The following PLAC8 variants were observed in gnomAD, a reference collection of about 807,000 sequenced individuals.
PLAC8 encodes placenta associated 8, also known as placenta-specific gene 8 protein.
In PLAC8, 6 loss-of-function variants were observed where a neutral mutation model predicts 12.6. The observed-to-expected ratio is 0.48, with a 90% CI of 0.26 to 0.94. The LOEUF is 0.94. Among genes scored for constraint, PLAC8 ranks in the 40% least tolerant of loss-of-function variants. PLAC8 has a pLI of 0.14. For missense variants in PLAC8, 122 were observed against 152.7 expected (o/e 0.80, Z 1.06); for synonymous variants, 54 against 52.6 (o/e 1.03, Z -0.11).
rs1023038175 is a variant in PLAC8, at chr4:83,090,593, G to C, written c.*388C>G. ...TATTAAAAAAAAAAAAAAAGAAAAA[G>C]GAAATCAAAGTATAAGAACAAAATT... is the stretch of plus-strand genomic sequence containing the variant. On this transcript the variant is annotated 3_prime_UTR_variant, in exon 5 of 5. Coordinates refer to ENST00000311507, the MANE Select transcript of PLAC8 (RefSeq NM_016619.3). 1 of 135,848 alleles carries C rather than the reference G, an allele frequency of 7.4e-6. No homozygotes were observed. Among genetic ancestry groups the C allele is most frequent in the Admixed American group, 7.3e-5 (1 of 13,730 alleles). 8.4% of individuals were successfully genotyped at this position (135,848 alleles called of 1,614,324 possible). A position where few individuals can be genotyped will look rare whatever the true frequency, so the allele number is the denominator to read the frequency against.
At position 83,107,820 on chromosome 4, in the gene PLAC8, G is replaced by C. The variant is rs1445935200; in HGVS notation, c.102C>G (p.Phe34Leu). Residue 34 changes from phenylalanine to leucine, a missense_variant, in exon 2 of 5, where the codon TTC becomes TTG. Transcript: ENST00000311507. ...CACACTTACAGACTCCGCAGTCGCT[G>C]AAACAGTCACACATGCCTGTCTGCC... The part of the protein sequence containing the change: ...SNWQTGMCDC[F>L]SDCGVCLCGT... 1 of 1,606,392 alleles carries C rather than the reference G, an allele frequency of 6.2e-7. No homozygotes were observed. Among genetic ancestry groups the C allele is most frequent in the African/African-American group, 1.3e-5 (1 of 74,484 alleles).
intron 4 of PLAC8, 116 bp from the exon 5 acceptor site, chr4:83,091,087 G>A (rs974882752): frequency 2.0e-5 from 3 of 152,044 alleles, no homozygotes; most frequent in African/African-American, 4.8e-5. Flanking sequence ...ATAGTACAGC[G>A]AGCTCTCATG....
Position 83,094,909 on chromosome 4 carries a change from T to C in PLAC8, c.244-118A>G, listed in dbSNP as rs148457846. ...CTTTCAGATTCAGAGTTTGGATGGA[T>C]ACATTTAGGAAAATATTACCTCACT... On this transcript the variant is annotated intron_variant, in intron 3 of 4. Coordinates refer to ENST00000311507, the MANE Select transcript of PLAC8 (RefSeq NM_016619.3). The C allele has an allele frequency of 1.0e-3, 544 of 522,016 alleles. 3 individuals are homozygous for C. The highest frequency in any genetic ancestry group is 9.5e-3 in the African/African-American group (472 of 49,882). 32.3% of individuals were successfully genotyped at this position (522,016 alleles called of 1,614,324 possible). A position where few individuals can be genotyped will look rare whatever the true frequency, so the allele number is the denominator to read the frequency against.
rs1702814100 is a variant in PLAC8, at chr4:83,107,811, G to A, written c.111C>T (p.Cys37=). ...QTGMCDCFSD[C]GVCLCGTFCF... is the part of the protein sequence containing the mutation. ...CTTTCCCCACACACTTACAGACTCC[G>A]CAGTCGCTGAAACAGTCACACATGC... The change falls in exon 2 of 5, where the codon TGC becomes TGT. Residue 37 remains cysteine (C), a synonymous_variant. Coordinates refer to ENST00000311507, the MANE Select transcript of PLAC8 (RefSeq NM_016619.3). 3 of 1,600,498 alleles carry A rather than the reference G, an allele frequency of 1.9e-6. No homozygotes were observed. Among genetic ancestry groups the A allele is most frequent in the Admixed American group, 1.7e-5 (1 of 59,494 alleles).
At chr4:83,096,709 G>GT (rs1248920760) in intron 3 of PLAC8, among the ~76,000 whole-genome samples, 3 of 152,088 alleles carry the variant, frequency 2.0e-5, no homozygotes, top group African/African-American at 7.2e-5. Flanking sequence ...GAGTTCGTTT[G>GT]TTTTTTAAAA....
chr4:83,101,882 G>A (rs1277901048), intron 3 of PLAC8, among the ~76,000 whole-genome samples: 4 of 152,172 alleles, frequency 2.6e-5, no homozygotes, highest in Non-Finnish European at 5.9e-5. Context: ...CACAAAACCT[G>A]ATGACAGCAC....
intron 2 of PLAC8, among the ~76,000 whole-genome samples, chr4:83,105,516 T>C (rs1360816728): frequency 6.6e-6 from 1 of 152,214 alleles, no homozygotes. Flanking sequence ...CTCTTCGAGG[T>C]AATCTGGCAT....
rs1173836208 is a variant in PLAC8 at position 83,098,104 on chromosome 4, A to G, written c.244-3313T>C. On this transcript the variant is annotated intron_variant, in intron 3 of 4. Coordinates refer to ENST00000311507, the MANE Select transcript of PLAC8 (RefSeq NM_016619.3). ...AATCTCCTGACCTTGTGATCTGCTCACCTCGGCCTCCCAAAGTGCTGGGAT... is the reference window on the plus strand; with the variant it reads ...AATCTCCTGACCTTGTGATCTGCTCGCCTCGGCCTCCCAAAGTGCTGGGAT... Among the ~76,000 whole-genome samples the G allele has an allele frequency of 3.3e-5, 5 of 152,004 alleles. No homozygotes were observed. The East Asian group carries it at 9.6e-4, about 29-fold the overall frequency.
At position 83,107,786 on chromosome 4, in the gene PLAC8, C is replaced by A. The variant is rs770230612; in HGVS notation, c.118+18G>T. ...CACCTCGGTATCAAATAAGGGGGTT[C>A]TTTCCCCACACACTTACAGACTCCG... On this transcript the variant is annotated intron_variant, in intron 2 of 4. Transcript: ENST00000311507. 3.3e-6 allele frequency: 5 copies of A among 1,510,298 alleles called. No individual in the cohort carries two copies. Among genetic ancestry groups the A allele is most frequent in the African/African-American group, 1.4e-5 (1 of 72,378 alleles). The allele number at this position is 1,510,298 out of a possible 1,614,324, so 93.6% of individuals were successfully genotyped here.
chr4:83,105,250 T>C (rs1028790838), intron 2 of PLAC8, among the ~76,000 whole-genome samples: 2 of 152,272 alleles, frequency 1.3e-5, no homozygotes, highest in African/African-American at 4.8e-5. Context: ...CTTGTCATAG[T>C]TCTGCCTTCA....
chr4:83,109,817 C>T (rs1143014), intron 1 of PLAC8: 56,876 of 152,294 alleles, frequency 0.37, 12,242 homozygotes, highest in East Asian at 0.63. Flanking sequence ...CCGGATTACG[C>T]CTCCCGCCAG....
At chr4:83,113,146 G>T (rs754976823) in intron 1 of PLAC8, among the ~76,000 whole-genome samples, 1 of 152,224 alleles carries the variant, frequency 6.6e-6, no homozygotes, top group Non-Finnish European at 1.5e-5. Flanking sequence ...TCTGTAACGT[G>T]CACCCGCAGG....
intron 3 of PLAC8, among the ~76,000 whole-genome samples, chr4:83,099,930 T>C (rs1215867166): frequency 1.4e-5 from 2 of 147,874 alleles, no homozygotes; most frequent in Non-Finnish European, 3.0e-5. Flanking sequence ...TGCTTGAACC[T>C]GGGAGGCAGA....
At chr4:83,094,398 G>A (rs901871290) in intron 4 of PLAC8, 7 of 259,694 alleles carry the variant, frequency 2.7e-5, no homozygotes, top group African/African-American at 9.1e-5. Context: ...CCATACTCTG[G>A]TATTTTACAA....
At position 83,107,890 on chromosome 4, in the gene PLAC8, G is replaced by C. The variant is rs573778733; in HGVS notation, c.32C>G (p.Thr11Ser). Residue 11 changes from threonine (T) to serine (S), a missense_variant, in exon 2 of 5, where the codon ACC (threonine) becomes AGC (serine). Transcript: ENST00000311507. MQAQAPVVVV[T>S]QPGVGPGPAP... ...CGGACCGGGACCGACTCCAGGTTGG[G>C]TCACAACGACCACCGGCGCCTGAGC... 6.3e-7 allele frequency: 1 copy of C among 1,577,382 alleles called. No homozygotes were observed. Among genetic ancestry groups the C allele is most frequent in the African/African-American group, 1.4e-5 (1 of 72,896 alleles).
intron 3 of PLAC8, among the ~76,000 whole-genome samples, chr4:83,097,547 G>T (rs1731970419): frequency 6.6e-6 from 1 of 152,156 alleles, no homozygotes; most frequent in East Asian, 1.9e-4. Context: ...TGGAGGCTTA[G>T]ATAATATATA....
At chr4:83,108,054 G>A (rs527762800) in intron 1 of PLAC8, 104 bp from the exon 2 acceptor site, 40 of 293,538 alleles carry the variant, frequency 1.4e-4, no homozygotes, top group Admixed American at 5.2e-4. Context: ...GTTAATGGGT[G>A]CAGCACACCA....
intron 1 of PLAC8, among the ~76,000 whole-genome samples, chr4:83,114,071 C>T (rs1732480952): frequency 6.6e-6 from 1 of 151,492 alleles, no homozygotes; most frequent in Admixed American, 6.6e-5. Context: ...TGTTAAATTT[C>T]ATTTTTTTGC....
At chr4:83,101,295 G>A (rs766063553) in intron 3 of PLAC8, among the ~76,000 whole-genome samples, 6 of 152,186 alleles carry the variant, frequency 3.9e-5, no homozygotes, top group South Asian at 2.1e-4. Flanking sequence ...CAGGAGAATC[G>A]CTTGAACCCG....
Sources: allele counts gnomAD v4.1 joint callset (sites outside exome capture counted in the v4.1 genomes callset), GRCh38; gene constraint gnomAD v4.1.1; transcripts MANE v1.5; gene names NCBI Gene and HGNC (gene_info 2026-07-23, HGNC 2026-07-21).